Variants in DMRT1 observed in about 807,000 individuals in gnomAD.
The protein encoded by DMRT1 is doublesex- and mab-3-related transcription factor 1.
A neutral mutation model predicts 32.3 loss-of-function variants in DMRT1; 7 were observed. The ratio of observed to expected loss-of-function variants is 0.22; its 90% CI spans 0.12 to 0.41. The LOEUF (loss-of-function observed/expected upper bound fraction) is 0.41. DMRT1 is among the 10% of genes least tolerant of loss of function. The probability of loss-of-function intolerance (pLI) is 1.00; values close to 1 mark genes in which losing one functional copy is unlikely to be tolerated. For missense variants in DMRT1, 625 were observed against 500.5 expected, an observed-to-expected ratio of 1.25 and a Z score of -2.37; for synonymous variants, 278 against 206.1, an observed-to-expected ratio of 1.35 and a Z score of -2.99.
Position 847,063 on chromosome 9 carries a change from G to A in DMRT1, c.458G>A (p.Gly153Asp), listed in dbSNP as rs1376252801. 2 of 1,614,018 alleles carry A rather than the reference G, an allele frequency of 1.2e-6. No homozygotes were observed. The highest frequency in any genetic ancestry group is 2.2e-5 in the East Asian group (1 of 44,866). Residue 153 changes from glycine (G) to aspartate (D), a missense_variant, in exon 2 of 5, where the codon GGC becomes GAC. Physicochemically the swap from Gly to Asp is moderately conservative, Grantham distance 94. Coordinates refer to ENST00000382276, the MANE Select transcript of DMRT1 (RefSeq NM_021951.3). ...AELLVKRENN[G>D]SNPCLMTECS... Reference sequence around the variant, plus strand: ...CTGCTTGTCAAAAGAGAGAACAATGGCAGTAACCCGTGCCTCATGACTGAG... The same window carrying A: ...CTGCTTGTCAAAAGAGAGAACAATGACAGTAACCCGTGCCTCATGACTGAG...
chr9:924,217 G>T (rs1818449623), intron 4 of DMRT1, among the ~76,000 whole-genome samples: 1 of 151,860 alleles, frequency 6.6e-6, no homozygotes. Flanking sequence ...GATTACAGGG[G>T]TGCACCACCA....
chr9:847,233 C>T (rs1838947521), intron 2 of DMRT1, 90 bp downstream of exon 2: 3 of 1,361,966 alleles, frequency 2.2e-6, no homozygotes, highest in African/African-American at 1.4e-5. Context: ...CCCTGAGCTA[C>T]ATACAGTGTT....
chr9:958,078 TAAAG>T (rs1400851276), intron 4 of DMRT1, among the ~76,000 whole-genome samples: 5 of 152,190 alleles, frequency 3.3e-5, no homozygotes, highest in Admixed American at 1.3e-4. Context: ...ATGCTGGTTA[TAAAG>T]AAACAGAAGG....
intron 2 of DMRT1, among the ~76,000 whole-genome samples, chr9:858,227 C>T (rs1038652692): frequency 5.9e-5 from 9 of 152,114 alleles, no homozygotes; most frequent in African/African-American, 2.2e-4. Flanking sequence ...GAGGGCAGTT[C>T]ACAAAGACTT....
At chr9:860,029 G>C (rs1457894325) in intron 2 of DMRT1, among the ~76,000 whole-genome samples, 1 of 152,180 alleles carries the variant, frequency 6.6e-6, no homozygotes, top group East Asian at 1.9e-4. Flanking sequence ...GGGCACGGTG[G>C]CTCACGCCTG....
intron 2 of DMRT1, among the ~76,000 whole-genome samples, chr9:873,989 T>C (rs370738988): frequency 6.6e-6 from 1 of 152,304 alleles, no homozygotes; most frequent in Non-Finnish European, 1.5e-5. Flanking sequence ...CTCAAGGAAA[T>C]AAATTATTCC....
chr9:915,726 T>G (rs1020053781), intron 3 of DMRT1, among the ~76,000 whole-genome samples: 9 of 151,832 alleles, frequency 5.9e-5, no homozygotes, highest in Non-Finnish European at 8.8e-5. Flanking sequence ...TATTTATTTG[T>G]TTTTTTTAAT....
At chr9:871,753 C>G (rs372455178) in intron 2 of DMRT1, among the ~76,000 whole-genome samples, 12 of 151,306 alleles carry the variant, frequency 7.9e-5, no homozygotes, top group South Asian at 4.1e-4. Flanking sequence ...GGATTACAGG[C>G]GTGAGCAACC....
chr9:921,454 T>C (rs748392818), intron 4 of DMRT1, among the ~76,000 whole-genome samples: 2 of 152,222 alleles, frequency 1.3e-5, no homozygotes, highest in African/African-American at 4.8e-5. Context: ...CTTTGAACAT[T>C]TGTGTACAAG....
chr9:959,699 T>C (rs1018985777), intron 4 of DMRT1, among the ~76,000 whole-genome samples: 5 of 144,984 alleles, frequency 3.4e-5, no homozygotes, highest in African/African-American at 1.3e-4. Context: ...GGCTAATTTT[T>C]GTATTTCCAG....
In DMRT1 at chr9:847,058, C is replaced by A; in HGVS notation, c.453C>A (p.Asn151Lys). 1 of 1,614,102 alleles carries A rather than the reference C, an allele frequency of 6.2e-7. No homozygotes were observed. The highest frequency in any genetic ancestry group is 8.5e-7 in the Non-Finnish European group (1 of 1,180,044). The change falls in exon 2 of 5, where the codon AAC becomes AAA. Residue 151 changes from asparagine to lysine, a missense_variant. Physicochemically the swap from Asn to Lys is moderately conservative, Grantham distance 94. This residue lies in a region of DMRT1 where 416 missense variants were observed against 321.6 expected (regional missense o/e 1.29). Coordinates refer to ENST00000382276, the MANE Select transcript of DMRT1 (RefSeq NM_021951.3). ...SAAELLVKRE[N>K]NGSNPCLMTE... is the part of the protein sequence containing the mutation. ...CCGAGCTGCTTGTCAAAAGAGAGAA[C>A]AATGGCAGTAACCCGTGCCTCATGA...
intron 2 of DMRT1, among the ~76,000 whole-genome samples, chr9:871,716 C>T (rs1589479545): frequency 6.7e-6 from 1 of 148,902 alleles, no homozygotes; most frequent in East Asian, 2.0e-4. Context: ...CCTCGTGATT[C>T]GCCCGCCTCG....
chr9:864,266 G>A (rs1431808455), intron 2 of DMRT1, among the ~76,000 whole-genome samples: 1 of 149,406 alleles, frequency 6.7e-6, no homozygotes, highest in Non-Finnish European at 1.5e-5. Context: ...GTGCAGTGGT[G>A]TGATCTCGGC....
intron 4 of DMRT1, among the ~76,000 whole-genome samples, chr9:956,747 G>T (rs1415800951): frequency 6.6e-6 from 1 of 152,158 alleles, no homozygotes; most frequent in Non-Finnish European, 1.5e-5. Context: ...TTTATCTCAT[G>T]CTTTGGTAAA....
At chr9:888,751 C>G (rs535664216) in intron 2 of DMRT1, among the ~76,000 whole-genome samples, 21 of 143,526 alleles carry the variant, frequency 1.5e-4, no homozygotes, top group Non-Finnish European at 2.7e-4. Context: ...ATGAAGGTAT[C>G]TCATATTTTT....
chr9:846,114 C>T (rs1420560402), intron 1 of DMRT1, among the ~76,000 whole-genome samples: 2 of 151,416 alleles, frequency 1.3e-5, no homozygotes, highest in Non-Finnish European at 2.9e-5. Context: ...TCACTGCAAC[C>T]TCTGCCTCCT....
chr9:866,437 CTG>C (rs141433486), intron 2 of DMRT1, among the ~76,000 whole-genome samples: 6,965 of 152,154 alleles, frequency 0.046, 486 homozygotes, highest in African/African-American at 0.15. Flanking sequence ...GTGTGTCACA[CTG>C]TGATCCATTG....
At chr9:851,357 G>A (rs1345253103) in intron 2 of DMRT1, among the ~76,000 whole-genome samples, 1 of 152,074 alleles carries the variant, frequency 6.6e-6, no homozygotes, top group Non-Finnish European at 1.5e-5. Flanking sequence ...TCTCACCTCA[G>A]CCTCTTGAGT....
At position 913,310 on chromosome 9, in the gene DMRT1, A is replaced by G. The variant is rs149764464; in HGVS notation, c.823-3453A>G. Among the ~76,000 whole-genome samples, 1,241 of 152,306 alleles carry G rather than the reference A, an allele frequency of 8.1e-3. 10 individuals are homozygous for G. Among genetic ancestry groups the G allele is most frequent in the Admixed American group, 0.011 (169 of 15,294 alleles). On this transcript the variant is annotated intron_variant, in intron 3 of 4. Coordinates refer to ENST00000382276, the MANE Select transcript of DMRT1 (RefSeq NM_021951.3). ...AGAGCAGGGAGGCTCCATTATTTAT[A>G]TTACGGCTTATGTCGGCACCTTGCT...
Sources: allele counts gnomAD v4.1 joint callset (sites outside exome capture counted in the v4.1 genomes callset), GRCh38; gene constraint gnomAD v4.1.1; regional missense constraint gnomAD v4.1.1; transcripts MANE v1.5; gene names NCBI Gene and HGNC (gene_info 2026-07-23, HGNC 2026-07-21).